Variants in INPP4B observed in about 807,000 individuals in gnomAD.
INPP4B encodes the protein inositol polyphosphate-4-phosphatase type II B.
In INPP4B, 55 loss-of-function variants were observed where a neutral mutation model predicts 122.5. The ratio of observed to expected loss-of-function variants is 0.45; its 90% CI spans 0.36 to 0.56. INPP4B has a LOEUF of 0.56. Ranked by LOEUF, INPP4B falls within the 20% of genes least tolerant of loss-of-function variation. INPP4B has a pLI of 0.00. For synonymous variants in INPP4B, 403 were observed against 388.7 expected, an observed-to-expected ratio of 1.04 and a Z score of -0.43; for missense variants, 1,000 against 1,097.7, an observed-to-expected ratio of 0.91 and a Z score of 1.26.
At chr4:142,553,128 C>A (rs760037806) in intron 2 of INPP4B, among the ~76,000 whole-genome samples, 7 of 151,872 alleles carry the variant, frequency 4.6e-5, no homozygotes, top group Non-Finnish European at 1.0e-4. Context: ...CTCCTCTCAG[C>A]TTTTTTTTAG....
intron 8 of INPP4B, among the ~76,000 whole-genome samples, chr4:142,306,588 TGCATCC>T (rs1043684619): frequency 2.0e-5 from 3 of 152,210 alleles, no homozygotes; most frequent in Admixed American, 2.0e-4. Context: ...CATGAAAGGC[TGCATCC>T]ACACTCAGAG....
At chr4:142,195,500 T>C (rs1837798535) in intron 14 of INPP4B, among the ~76,000 whole-genome samples, 1 of 152,214 alleles carries the variant, frequency 6.6e-6, no homozygotes, top group Non-Finnish European at 1.5e-5. Context: ...GATGGATTTG[T>C]CTGTTACCTT....
chr4:142,309,631 C>T (rs73850847), intron 8 of INPP4B, among the ~76,000 whole-genome samples: 1,675 of 152,282 alleles, frequency 0.011, 27 homozygotes, highest in African/African-American at 0.038. Flanking sequence ...CTTTCATCCC[C>T]ACCATGCTAT....
At chr4:142,493,574 A>G (rs1822147423) in intron 2 of INPP4B, among the ~76,000 whole-genome samples, 1 of 152,150 alleles carries the variant, frequency 6.6e-6, no homozygotes, top group Non-Finnish European at 1.5e-5. Context: ...AAGTTTAATG[A>G]CTACCCTATT....
intron 25 of INPP4B, among the ~76,000 whole-genome samples, chr4:142,031,247 T>C (rs1332358081): frequency 1.3e-5 from 2 of 152,176 alleles, no homozygotes; most frequent in African/African-American, 4.8e-5. Context: ...TATTCTCTAT[T>C]AGCTCTTCTA....
rs552389464 is a variant in INPP4B, at chr4:142,213,385, A to G, written c.837-4359T>C. Among the ~76,000 whole-genome samples the G allele has an allele frequency of 1.0e-3, 156 of 152,258 alleles. 5 individuals are homozygous for G. The South Asian group carries it at 0.032, about 31-fold the overall frequency. ...GTGACAATAGCTATATTAGCTTTGG[A>G]AAGGGAGGCCATGTCCTGGGTCCAT... On this transcript the variant is annotated intron_variant, in intron 12 of 25. Coordinates refer to ENST00000262992, the MANE Select transcript of INPP4B (RefSeq NM_001101669.3).
chr4:142,070,593 G>A lies in INPP4B; in HGVS notation c.2642+11438C>T, dbSNP rs771231610. On this transcript the variant is annotated intron_variant, in intron 25 of 25. Coordinates refer to ENST00000262992, the MANE Select transcript of INPP4B (RefSeq NM_001101669.3). Reference sequence around the variant, plus strand: ...GATTGTATATTTAGAAAACCCCATCGTCTGAGCCCCAAATACCCTTAAGCT... The same window carrying A: ...GATTGTATATTTAGAAAACCCCATCATCTGAGCCCCAAATACCCTTAAGCT... Among the ~76,000 whole-genome samples the A allele has an allele frequency of 6.6e-4, 101 of 152,238 alleles. 1 individual carries two copies. The highest frequency in any genetic ancestry group is 6.5e-4 in the Admixed American group (10 of 15,276).
At position 142,513,188 on chromosome 4, in the gene INPP4B, T is replaced by G. The variant is rs944463165; in HGVS notation, c.-190-50462A>C. ...ACACTATTCTAGATTCTGCGGACAC[T>G]GAAAGAAACAAAGACAAGTGTCTTA... is the stretch of plus-strand genomic sequence containing the variant. On this transcript the variant is annotated intron_variant, in intron 2 of 25. Coordinates refer to ENST00000262992, the MANE Select transcript of INPP4B (RefSeq NM_001101669.3). Among the ~76,000 whole-genome samples, 3 of 152,200 alleles carry G rather than the reference T, an allele frequency of 2.0e-5. No individual in the cohort carries two copies. In the South Asian group the frequency reaches 6.2e-4, roughly 31 times the overall value.
Position 142,038,405 on chromosome 4 carries a change from CAT to C in INPP4B, c.2643-9493_2643-9492del, listed in dbSNP as rs1745290612. On this transcript the variant is annotated intron_variant, in intron 25 of 25. Transcript: ENST00000262992. ...CTAAATCAGGAAATTACTCAAAAGA[CAT>C]AAGCCAGTGTCACTGCTTTGAACAT... Among the ~76,000 whole-genome samples, 4 of 152,158 alleles carry C rather than the reference CAT, an allele frequency of 2.6e-5. No homozygotes were observed. The South Asian group carries it at 8.3e-4, about 31-fold the overall frequency.
chr4:142,759,228 C>G (rs749912557), intron 1 of INPP4B, among the ~76,000 whole-genome samples: 2 of 152,116 alleles, frequency 1.3e-5, no homozygotes, highest in Admixed American at 6.6e-5. Context: ...TTAATGACAT[C>G]TCAGAGAAGT....
At chr4:142,682,813 A>G (rs1047745851) in intron 2 of INPP4B, among the ~76,000 whole-genome samples, 1 of 151,950 alleles carries the variant, frequency 6.6e-6, no homozygotes, top group African/African-American at 2.4e-5. Flanking sequence ...TGTTATAAAA[A>G]ATACTTAATA....
At chr4:142,623,993 A>T (rs1560880417) in intron 2 of INPP4B, among the ~76,000 whole-genome samples, 1 of 152,094 alleles carries the variant, frequency 6.6e-6, no homozygotes, top group Non-Finnish European at 1.5e-5. Flanking sequence ...GTTGGTTCCA[A>T]GTCTTTGCTA....
chr4:142,084,525 A>G (rs2152539226), intron 24 of INPP4B, among the ~76,000 whole-genome samples: 1 of 152,322 alleles, frequency 6.6e-6, no homozygotes, highest in Non-Finnish European at 1.5e-5. Context: ...TTAACAAAAT[A>G]TTTTTGGAAA....
Position 142,238,003 on chromosome 4 carries a change from T to C in INPP4B, c.697A>G (p.Asn233Asp), listed in dbSNP as rs753781670. The C allele has an allele frequency of 3.2e-5, 48 of 1,505,718 alleles. No homozygotes were observed. Among genetic ancestry groups the C allele is most frequent in the Non-Finnish European group, 4.2e-5 (46 of 1,099,732 alleles). 93.3% of individuals were successfully genotyped at this position (1,505,718 alleles called of 1,614,324 possible). The change falls in exon 12 of 26, where the codon AAC becomes GAC. Residue 233 changes from asparagine to aspartate, a missense_variant. Physicochemically the swap from Asn to Asp is conservative, Grantham distance 23. Coordinates refer to ENST00000262992, the MANE Select transcript of INPP4B (RefSeq NM_001101669.3). Reference protein sequence around the residue: ...NLPFLNSVLKNPVCKLYRFPT... With the variant: ...NLPFLNSVLKDPVCKLYRFPT... The stretch of plus-strand genomic sequence containing the variant: ...AATCTATATAATTTACATACTGGGT[T>C]CTTTAACACTGGAAAAAAAAAGAAA...
intron 11 of INPP4B, among the ~76,000 whole-genome samples, chr4:142,246,290 G>A (rs1728784898): frequency 6.6e-6 from 1 of 151,656 alleles, no homozygotes; most frequent in African/African-American, 2.4e-5. Flanking sequence ...TTTTCTTTTT[G>A]TTCCATATGA....
intron 7 of INPP4B, among the ~76,000 whole-genome samples, chr4:142,369,260 T>G (rs1443060228): frequency 1.3e-5 from 2 of 152,052 alleles, no homozygotes; most frequent in Non-Finnish European, 2.9e-5. Flanking sequence ...TAAGAGAGGC[T>G]TCATCCCCCC....
chr4:142,841,462 T>C (rs1204670996), intron 1 of INPP4B, among the ~76,000 whole-genome samples: 1 of 152,006 alleles, frequency 6.6e-6, no homozygotes, highest in Admixed American at 6.6e-5. Context: ...GGGAGTATAT[T>C]CTATTTAATT....
Position 142,116,188 on chromosome 4 carries a change from C to G in INPP4B, c.2136-3506G>C, listed in dbSNP as rs142672999. Among the ~76,000 whole-genome samples, 1,212 of 152,238 alleles carry G rather than the reference C, an allele frequency of 8.0e-3. 17 individuals carry two copies. The highest frequency in any genetic ancestry group is 0.027 in the African/African-American group (1,119 of 41,530). On this transcript the variant is annotated intron_variant, in intron 21 of 25. Coordinates refer to ENST00000262992, the MANE Select transcript of INPP4B (RefSeq NM_001101669.3). ...AAGTCCTTTGAGAAATACAAAGAGACTTAGACACCCACACAATAATAATGG... is the reference window on the plus strand; with the variant it reads ...AAGTCCTTTGAGAAATACAAAGAGAGTTAGACACCCACACAATAATAATGG...
At chr4:142,240,334 G>T (rs116075652) in intron 11 of INPP4B, among the ~76,000 whole-genome samples, 1 of 151,868 alleles carries the variant, frequency 6.6e-6, no homozygotes, top group Non-Finnish European at 1.5e-5. Context: ...AAGCCACCAC[G>T]CCTGGCCTTA....
Sources: allele counts gnomAD v4.1 joint callset (sites outside exome capture counted in the v4.1 genomes callset), GRCh38; gene constraint gnomAD v4.1.1; transcripts MANE v1.5; gene names NCBI Gene and HGNC (gene_info 2026-07-23, HGNC 2026-07-21).